Variants in KIAA0319 observed in about 807,000 individuals in gnomAD.
KIAA0319 encodes the protein dyslexia-associated protein KIAA0319.
A neutral mutation model predicts 108.4 loss-of-function variants in KIAA0319; 83 were observed. The observed-to-expected ratio is 0.77, with a 90% CI of 0.64 to 0.92. The LOEUF is 0.92. Among genes scored for constraint, KIAA0319 ranks in the 40% least tolerant of loss-of-function variants. The pLI, the probability that KIAA0319 is intolerant of heterozygous loss-of-function variation, is 0.00. For synonymous variants in KIAA0319, 484 were observed against 510.4 expected (o/e 0.95, Z 0.70); for missense variants, 1,195 against 1,322.4 (o/e 0.90, Z 1.49).
intron 1 of KIAA0319, among the ~76,000 whole-genome samples, chr6:24,642,834 C>T (rs1221086434): frequency 2.0e-5 from 3 of 152,056 alleles, no homozygotes; most frequent in African/African-American, 7.2e-5. Flanking sequence ...ATTCGCCTGC[C>T]TCAGCTGGGA....
rs1464877623 is a variant in KIAA0319 at position 24,579,899 on chromosome 6, T to C, written c.1331A>G (p.Glu444Gly). The stretch of plus-strand genomic sequence containing the variant: ...GGCTGACGTCAAAGGCAAAGTGAGC[T>C]CTTGCAGTTGGGGAGAAACAACTGC... ...PVAVVSPQLQ[E>G]LTLPLTSALI... is the part of the protein sequence containing the mutation. Residue 444 changes from glutamate (E) to glycine (G), a missense_variant, in exon 8 of 21, where the codon GAG becomes GGG. Coordinates refer to ENST00000378214, the MANE Select transcript of KIAA0319 (RefSeq NM_014809.4). The C allele has an allele frequency of 1.2e-6, 2 of 1,604,636 alleles. No homozygotes were observed. The highest frequency in any genetic ancestry group is 2.2e-5 in the South Asian group (2 of 89,060).
At chr6:24,604,805 T>C (rs1200859833) in intron 1 of KIAA0319, among the ~76,000 whole-genome samples, 1 of 152,182 alleles carries the variant, frequency 6.6e-6, no homozygotes, top group Non-Finnish European at 1.5e-5. Flanking sequence ...ATTCCTTCAG[T>C]TCTAATAGCT....
In KIAA0319 at chr6:24,546,957, T is replaced by C; in HGVS notation, c.*208A>G. On this transcript the variant is annotated 3_prime_UTR_variant, in exon 21 of 21. Coordinates refer to ENST00000378214, the MANE Select transcript of KIAA0319 (RefSeq NM_014809.4). ...ATACCTTAGAGTTTTACCCAGCCTT[T>C]ATTTCTATTAACAAGCATCTCAGTT... is the stretch of plus-strand genomic sequence containing the variant. The C allele has an allele frequency of 1.9e-6, 1 of 526,390 alleles. No individual in the cohort carries two copies. Among genetic ancestry groups the C allele is most frequent in the Non-Finnish European group, 3.4e-6 (1 of 294,364 alleles). 32.6% of individuals were successfully genotyped at this position (526,390 alleles called of 1,614,324 possible). A position where few individuals can be genotyped will look rare whatever the true frequency, so the allele number is the denominator to read the frequency against.
chr6:24,600,691 T>G (rs1279752633), intron 2 of KIAA0319: 1 of 1,530,836 alleles, frequency 6.5e-7, no homozygotes, highest in Non-Finnish European at 8.8e-7. Context: ...TTGCCATGAG[T>G]GCATCCACCA....
chr6:24,617,200 A>G (rs193281496), intron 1 of KIAA0319, among the ~76,000 whole-genome samples: 40 of 152,250 alleles, frequency 2.6e-4, no homozygotes, highest in African/African-American at 9.4e-4. Flanking sequence ...ATAAAATGGA[A>G]CCTCAAATGT....
chr6:24,645,526 G>A (rs1777505528), intron 1 of KIAA0319: 1 of 152,198 alleles, frequency 6.6e-6, no homozygotes. Context: ...GTTGGGAAAA[G>A]ACACTCAAAT....
At chr6:24,623,926 A>G (rs896929214) in intron 1 of KIAA0319, among the ~76,000 whole-genome samples, 1 of 152,068 alleles carries the variant, frequency 6.6e-6, no homozygotes, top group African/African-American at 2.4e-5. Flanking sequence ...TTATGTATCC[A>G]CAAAAATCCA....
At chr6:24,553,316 C>A (rs200923298) in intron 19 of KIAA0319, among the ~76,000 whole-genome samples, 2 of 113,842 alleles carry the variant, frequency 1.8e-5, no homozygotes, top group East Asian at 4.2e-4. Context: ...CACACACACA[C>A]ACACACACAC....
At chr6:24,613,557 C>G (rs1300832696) in intron 1 of KIAA0319, among the ~76,000 whole-genome samples, 1 of 151,968 alleles carries the variant, frequency 6.6e-6, no homozygotes, top group Non-Finnish European at 1.5e-5. Flanking sequence ...GAAGCAAAAG[C>G]TCAACCCAGA....
chr6:24,599,534 GC>G lies in KIAA0319; in HGVS notation c.55+1514del. ...TCGAGATTGTCACCTACAGGAAGGT[GC>G]TGGAGGGCGAGGAGAGCTGGCTGGA... is the stretch of plus-strand genomic sequence containing the variant. On this transcript the variant is annotated intron_variant, in intron 2 of 20. Coordinates refer to ENST00000378214, the MANE Select transcript of KIAA0319 (RefSeq NM_014809.4). This position sits in a 1 kb window ranked among gnomAD's most constrained non-coding sequence, Gnocchi z 4.1. 1.7e-6 allele frequency: 1 copy of G among 571,640 alleles called. No homozygotes were observed. The highest frequency in any genetic ancestry group is 3.4e-6 in the Non-Finnish European group (1 of 297,482). The allele number at this position is 571,640 out of a possible 1,614,324, so 35.4% of individuals were successfully genotyped here. A position where few individuals can be genotyped will look rare whatever the true frequency, so the allele number is the denominator to read the frequency against.
downstream of KIAA0319, among the ~76,000 whole-genome samples, chr6:24,540,944 TATG>T (rs1760175432): frequency 2.0e-5 from 2 of 97,654 alleles, no homozygotes; most frequent in Non-Finnish European, 5.1e-5. Context: ...CACTCATTTG[TATG>T]TGAGTGTTTG....
chr6:24,559,172 G>A lies in KIAA0319; in HGVS notation c.2592-17C>T, dbSNP rs975797695. 1.2e-6 allele frequency: 2 copies of A among 1,610,572 alleles called. No homozygotes were observed. Among genetic ancestry groups the A allele is most frequent in the African/African-American group, 2.7e-5 (2 of 74,778 alleles). On this transcript the variant is annotated splice_polypyrimidine_tract_variant and intron_variant, in intron 16 of 20. Transcript: ENST00000378214. ...ATCACGGTGCTGTGGAGGAGACAAT[G>A]AGAGAGGACAGCCACATGGTCAGAT...
chr6:24,542,064 G>T (rs1051824803), downstream of KIAA0319, among the ~76,000 whole-genome samples: 1 of 152,170 alleles, frequency 6.6e-6, no homozygotes, highest in African/African-American at 2.4e-5. Context: ...CACTTGAACT[G>T]CCAGGAGGCA....
At chr6:24,633,509 C>T (rs1775834523) in intron 1 of KIAA0319, among the ~76,000 whole-genome samples, 1 of 151,958 alleles carries the variant, frequency 6.6e-6, no homozygotes, top group Non-Finnish European at 1.5e-5. Flanking sequence ...CCTGGAATCC[C>T]AGCACTTTGA....
intron 1 of KIAA0319, among the ~76,000 whole-genome samples, chr6:24,639,373 A>G (rs1776622689): frequency 6.6e-6 from 1 of 152,222 alleles, no homozygotes; most frequent in African/African-American, 2.4e-5. Context: ...AATAAAATCT[A>G]GAAAGTATAG....
At position 24,547,020 on chromosome 6, in the gene KIAA0319, G is replaced by C. The variant is rs1760714343; in HGVS notation, c.*145C>G. 3 of 776,554 alleles carry C rather than the reference G, an allele frequency of 3.9e-6. No individual in the cohort carries two copies. Among genetic ancestry groups the C allele is most frequent in the South Asian group, 2.0e-5 (1 of 50,634 alleles). The allele number at this position is 776,554 out of a possible 1,614,324, so 48.1% of individuals were successfully genotyped here. On this transcript the variant is annotated 3_prime_UTR_variant, in exon 21 of 21. Coordinates refer to ENST00000378214, the MANE Select transcript of KIAA0319 (RefSeq NM_014809.4). The stretch of plus-strand genomic sequence containing the variant: ...TTTTTGTTTTGTGCCTTCAAAAACC[G>C]GTCTTTTAGTACGTGGGGATACACA...
At chr6:24,600,745 G>C (rs943545044) in intron 2 of KIAA0319, 35 of 1,269,598 alleles carry the variant, frequency 2.8e-5, no homozygotes, top group Non-Finnish European at 3.7e-5. Context: ...CTGATAAAAG[G>C]AAGTCTGGCC....
intron 1 of KIAA0319, among the ~76,000 whole-genome samples, chr6:24,602,651 A>G (rs1285893543): frequency 6.6e-6 from 1 of 152,166 alleles, no homozygotes; most frequent in African/African-American, 2.4e-5. Context: ...ATACAAAAAA[A>G]TTAGCTGGGC....
chr6:24,565,133 G>C (rs563510828), intron 14 of KIAA0319, among the ~76,000 whole-genome samples: 37 of 152,128 alleles, frequency 2.4e-4, no homozygotes, highest in African/African-American at 8.4e-4. Context: ...GGCACCTGCA[G>C]TCCCAGCTAC....
Sources: allele counts gnomAD v4.1 joint callset (sites outside exome capture counted in the v4.1 genomes callset), GRCh38; gene constraint gnomAD v4.1.1; non-coding constraint Gnocchi (gnomAD v3.1); transcripts MANE v1.5; gene names NCBI Gene and HGNC (gene_info 2026-07-23, HGNC 2026-07-21).